Variants in KCNH8 observed in about 807,000 individuals in gnomAD.
KCNH8 encodes potassium voltage-gated channel subfamily H member 8, also known as voltage-gated delayed rectifier potassium channel KCNH8.
A neutral mutation model predicts 103.6 loss-of-function variants in KCNH8; 70 were observed. That is an observed-to-expected ratio of 0.68 (90% CI 0.56 to 0.82). KCNH8 has a LOEUF of 0.82. KCNH8 is among the 40% of genes least tolerant of loss of function. The pLI, the probability that KCNH8 is intolerant of heterozygous loss-of-function variation, is 0.00. For missense variants in KCNH8, 1,217 were observed against 1,329.9 expected (o/e 0.92, Z 1.32); for synonymous variants, 498 against 489.4 (o/e 1.02, Z -0.23).
At chr3:19,443,946 T>C (rs1160512051) in intron 8 of KCNH8, among the ~76,000 whole-genome samples, 3 of 152,014 alleles carry the variant, frequency 2.0e-5, no homozygotes, top group East Asian at 3.9e-4. Context: ...TGCAAAAATA[T>C]CAGTTGTATT....
chr3:19,527,997 A>G (rs368667661), intron 15 of KCNH8, among the ~76,000 whole-genome samples: 1 of 151,960 alleles, frequency 6.6e-6, no homozygotes, highest in South Asian at 2.1e-4. Context: ...GATGTGAACA[A>G]TTGGTTATGC....
chr3:19,260,967 C>CATATATAT lies in KCNH8; in HGVS notation c.310+7099_310+7106dup, dbSNP rs138181171. On this transcript the variant is annotated intron_variant, in intron 2 of 15. Transcript: ENST00000328405. ...TCCTTTTTTAAGGCTGAATAATATT[C>CATATATAT]ATATATATATATATATATATATATA... Among the ~76,000 whole-genome samples the CATATATAT allele has an allele frequency of 1.9e-3, 247 of 132,144 alleles. 1 individual carries two copies. Among genetic ancestry groups the CATATATAT allele is most frequent in the East Asian group, 7.6e-3 (35 of 4,576 alleles). The allele number at this position is 132,144 out of a possible 152,430, so 86.7% of individuals were successfully genotyped here.
chr3:19,428,442 A>G (rs973139692), intron 7 of KCNH8, among the ~76,000 whole-genome samples: 1 of 152,186 alleles, frequency 6.6e-6, no homozygotes, highest in Non-Finnish European at 1.5e-5. Context: ...TACTTACGGA[A>G]CTGGGATGCT....
chr3:19,437,473 T>G (rs771671220), intron 7 of KCNH8, among the ~76,000 whole-genome samples: 2 of 152,210 alleles, frequency 1.3e-5, no homozygotes, highest in Non-Finnish European at 2.9e-5. Context: ...TTGACACATA[T>G]ATACATAGTA....
chr3:19,374,304 G>A (rs1159255807), intron 5 of KCNH8, among the ~76,000 whole-genome samples: 1 of 151,608 alleles, frequency 6.6e-6, no homozygotes, highest in African/African-American at 2.4e-5. Context: ...TGTATTGGGT[G>A]CATATCTATT....
chr3:19,225,543 T>A (rs1482785590), intron 1 of KCNH8, among the ~76,000 whole-genome samples: 3 of 152,150 alleles, frequency 2.0e-5, no homozygotes, highest in African/African-American at 7.2e-5. Context: ...CTTCTAAGAA[T>A]GAGAATCTTC....
At chr3:19,323,702 A>G (rs938473330) in intron 3 of KCNH8, among the ~76,000 whole-genome samples, 7 of 152,060 alleles carry the variant, frequency 4.6e-5, no homozygotes, top group Non-Finnish European at 7.4e-5. Flanking sequence ...TGCTCCCTTG[A>G]TGTGGTGCTC....
At chr3:19,154,250 G>A (rs1023737798) in intron 1 of KCNH8, among the ~76,000 whole-genome samples, 1 of 152,058 alleles carries the variant, frequency 6.6e-6, no homozygotes, top group African/African-American at 2.4e-5. Context: ...TTGCCATTTT[G>A]TACAGTACTT....
chr3:19,534,716 T>TA lies in KCNH8; in HGVS notation c.*620dup, dbSNP rs1317248732. ...ATATCCTTGGTATGAAATATGTATT[T>TA]AAACTATTTAAATATTTATAAAGAA... On this transcript the variant is annotated 3_prime_UTR_variant, in exon 16 of 16. Transcript: ENST00000328405. 1 of 152,612 alleles carries TA rather than the reference T, an allele frequency of 6.6e-6. No homozygotes were observed. Among genetic ancestry groups the TA allele is most frequent in the African/African-American group, 2.4e-5 (1 of 41,430 alleles). 9.5% of individuals were successfully genotyped at this position (152,612 alleles called of 1,614,324 possible). A position where few individuals can be genotyped will look rare whatever the true frequency, so the allele number is the denominator to read the frequency against.
At chr3:19,491,597 C>T (rs1369897509) in intron 11 of KCNH8, among the ~76,000 whole-genome samples, 1 of 152,216 alleles carries the variant, frequency 6.6e-6, no homozygotes, top group Admixed American at 6.5e-5. Flanking sequence ...CACTGACGGT[C>T]ACCTATGCTG....
intron 3 of KCNH8, among the ~76,000 whole-genome samples, chr3:19,299,985 A>T (rs1268127249): frequency 6.6e-6 from 1 of 152,078 alleles, no homozygotes; most frequent in African/African-American, 2.4e-5. Flanking sequence ...ATGGTAGCTC[A>T]CGCCTGTAAT....
At chr3:19,343,746 T>G (rs1484181140) in intron 4 of KCNH8, among the ~76,000 whole-genome samples, 2 of 152,074 alleles carry the variant, frequency 1.3e-5, no homozygotes, top group Admixed American at 1.3e-4. Flanking sequence ...TACACATGCT[T>G]TGATAAAACA....
chr3:19,347,939 T>G lies in KCNH8; in HGVS notation c.785T>G (p.Ile262Ser). Reference protein sequence around the residue: ...STTRSTTVSDIAVEILFIIDI... With the variant: ...STTRSTTVSDSAVEILFIIDI... ...ACTCGGAGCACAACCGTCAGTGACA[T>G]TGCAGTGGAGATTCTTTTTATTATA... Residue 262 changes from isoleucine (I) to serine (S), a missense_variant, in exon 5 of 16, where the codon ATT (isoleucine) becomes AGT (serine). Around this residue, in one of 3 missense-constraint regions of KCNH8, gnomAD observed 415 missense variants for 577.4 expected, o/e 0.72. Coordinates refer to ENST00000328405, the MANE Select transcript of KCNH8 (RefSeq NM_144633.3). 1 of 1,613,100 alleles carries G rather than the reference T, an allele frequency of 6.2e-7. No individual in the cohort carries two copies. Among genetic ancestry groups the G allele is most frequent in the Non-Finnish European group, 8.5e-7 (1 of 1,179,340 alleles).
chr3:19,153,171 C>T (rs1452362116), intron 1 of KCNH8, among the ~76,000 whole-genome samples: 1 of 152,020 alleles, frequency 6.6e-6, no homozygotes, highest in South Asian at 2.1e-4. Flanking sequence ...GATAACTTCA[C>T]TACAATGAAG....
At chr3:19,410,878 C>CAAAAAAAAAA (rs4021206) in intron 7 of KCNH8, among the ~76,000 whole-genome samples, 1 of 63,368 alleles carries the variant, frequency 1.6e-5, no homozygotes. Flanking sequence ...GCCTACCAAG[C>CAAAAAAAAAA]AAAAAAAAAA....
chr3:19,150,414 A>G (rs531486203), intron 1 of KCNH8, among the ~76,000 whole-genome samples: 31 of 152,140 alleles, frequency 2.0e-4, no homozygotes, highest in African/African-American at 7.5e-4. Context: ...GAATTTGTCT[A>G]TTGAAAATGA....
intron 1 of KCNH8, among the ~76,000 whole-genome samples, chr3:19,170,895 T>A (rs1175933309): frequency 1.4e-5 from 2 of 147,826 alleles, no homozygotes; most frequent in African/African-American, 5.1e-5. Context: ...CACTGCAAGC[T>A]CCGCCTCCTG....
At chr3:19,252,967 G>A (rs2064298124) in intron 1 of KCNH8, among the ~76,000 whole-genome samples, 1 of 152,108 alleles carries the variant, frequency 6.6e-6, no homozygotes, top group Non-Finnish European at 1.5e-5. Flanking sequence ...TAGGTCAGAA[G>A]TGTCAACATA....
rs776753901 is a variant in KCNH8, at chr3:19,508,125, T to G, written c.2041-2238T>G. On this transcript the variant is annotated intron_variant, in intron 11 of 15. Coordinates refer to ENST00000328405, the MANE Select transcript of KCNH8 (RefSeq NM_144633.3). The stretch of plus-strand genomic sequence containing the variant: ...ATCATGCTGTATGAACTTTTTGATG[T>G]GCTGCTGGATTCATTTTGCTAGTAT... Among the ~76,000 whole-genome samples the G allele has an allele frequency of 1.7e-4, 26 of 152,238 alleles. 1 individual carries two copies. Among genetic ancestry groups the G allele is most frequent in the Admixed American group, 1.3e-4 (2 of 15,282 alleles).
Sources: gnomAD v4.1 joint callset for allele counts (sites outside exome capture counted in the v4.1 genomes callset) on GRCh38, gnomAD v4.1.1 for gene constraint, gnomAD v4.1.1 regional missense constraint, MANE v1.5 for transcripts, NCBI Gene and HGNC (gene_info 2026-07-23, HGNC 2026-07-21) for gene names.